TKFC: variants seen among roughly 807,000 people sequenced by gnomAD.
The protein encoded by TKFC is triokinase/FMN cyclase.
Under a neutral mutation model 61.0 loss-of-function variants are expected in TKFC, and 46 were observed. The observed-to-expected ratio is 0.75, with a 90% CI of 0.60 to 0.96. TKFC has a LOEUF of 0.96. Ranked by LOEUF, TKFC falls within the 50% of genes least tolerant of loss-of-function variation. TKFC has a pLI of 0.00. For synonymous variants in TKFC, 314 were observed against 330.1 expected, an observed-to-expected ratio of 0.95 and a Z score of 0.53; for missense variants, 715 against 777.5, an observed-to-expected ratio of 0.92 and a Z score of 0.96.
Position 61,339,910 on chromosome 11 carries a change from A to G in TKFC, c.486+475A>G, listed in dbSNP as rs114088652. On this transcript the variant is annotated intron_variant, in intron 5 of 17. Transcript: ENST00000394900. ...CCACTGAAAGCCTTCTTGGGTGCCT[A>G]CAATCAATACAAGCCCTCACCATAG... Among the ~76,000 whole-genome samples, 1,019 of 152,272 alleles carry G rather than the reference A, an allele frequency of 6.7e-3. 14 individuals are homozygous for G. Among genetic ancestry groups the G allele is most frequent in the African/African-American group, 0.024 (985 of 41,552 alleles).
downstream of TKFC, chr11:61,350,884 GCTGTGCCA>G (rs1183607719): frequency 6.9e-7 from 1 of 1,456,040 alleles, no homozygotes; most frequent in African/African-American, 1.4e-5. Context: ...TTGGTTTCCT[GCTGTGCCA>G]CAGGGTAAGT....
At chr11:61,350,036 G>A, downstream of TKFC, 1 of 496,056 alleles carries the variant, frequency 2.0e-6, no homozygotes, top group Non-Finnish European at 3.7e-6. Flanking sequence ...AGGACCTCGT[G>A]TGAATGGAGG....
At chr11:61,350,532 A>G (rs1857350902), downstream of TKFC, 2 of 1,403,976 alleles carry the variant, frequency 1.4e-6, no homozygotes, top group Non-Finnish European at 2.0e-6. Flanking sequence ...CATCCAAGCC[A>G]CCAAATCCCT....
In TKFC at chr11:61,338,281, CA is replaced by C. The variant is rs919421797; in HGVS notation, c.193+152del. ...CTCTCCCACTCCCTCCGGCTGGGAT[CA>C]GGGGCCCATCACGGCCTCTCTGAAT... On this transcript the variant is annotated intron_variant, in intron 3 of 17. Coordinates refer to ENST00000394900, the MANE Select transcript of TKFC (RefSeq NM_015533.4). 2.3e-5 allele frequency: 17 copies of C among 730,302 alleles called. No individual in the cohort carries two copies. The African/African-American group carries it at 2.9e-4, about 13-fold the overall frequency. The allele number at this position is 730,302 out of a possible 1,614,324, so 45.2% of individuals were successfully genotyped here.
chr11:61,344,201 G>A lies in TKFC; in HGVS notation c.1168G>A (p.Glu390Lys), dbSNP rs764122235. The change falls in exon 13 of 18, where the codon GAA (glutamate) becomes AAA (lysine). Residue 390 changes from glutamate (E) to lysine (K), a missense_variant. Glu to Lys is a moderately conservative substitution (Grantham distance 56). Transcript: ENST00000394900. Reference protein sequence around the residue: ...RVCSTLLGLEEHLNALDRAAG... With the variant: ...RVCSTLLGLEKHLNALDRAAG... ...GTGCAGCACTCTCCTGGGCCTGGAG[G>A]AACACCTGAATGCCCTGGACCGGGC... The A allele has an allele frequency of 3.1e-6, 5 of 1,612,742 alleles. No homozygotes were observed. The South Asian group carries it at 5.5e-5, about 18-fold the overall frequency.
intron 5 of TKFC, among the ~76,000 whole-genome samples, chr11:61,341,027 A>C (rs952374838): frequency 4.6e-5 from 7 of 151,988 alleles, no homozygotes; most frequent in Non-Finnish European, 1.0e-4. Context: ...CCTTTTCAGC[A>C]TATACTAGAT....
intron 10 of TKFC, 86 bp from the exon 11 acceptor site, chr11:61,343,256 C>T: frequency 7.8e-7 from 1 of 1,282,254 alleles, no homozygotes; most frequent in Non-Finnish European, 1.1e-6. Flanking sequence ...CTCAGAGCCC[C>T]AGCTTCCAAG....
At chr11:61,352,766 C>G (rs1199595937), downstream of TKFC, 2 of 1,391,822 alleles carry the variant, frequency 1.4e-6, no homozygotes, top group African/African-American at 2.9e-5. Context: ...CTGTTTCTGA[C>G]ACACAGCAGG....
chr11:61,343,927 G>T lies in TKFC; in HGVS notation c.1054G>T (p.Val352Leu), dbSNP rs763227928. 7.4e-6 allele frequency: 12 copies of T among 1,611,038 alleles called. No individual in the cohort carries two copies. The highest frequency in any genetic ancestry group is 9.3e-6 in the Non-Finnish European group (11 of 1,179,978). ...CATTACTGGGCGGAAGCGGAGCCGG[G>T]TAGCCCCTGCCGAGCCCCAGGAGGC... is the stretch of plus-strand genomic sequence containing the variant. ...VSITGRKRSR[V>L]APAEPQEAPD... The change falls in exon 12 of 18, where the codon GTA becomes TTA. Residue 352 changes from valine (V) to leucine (L), a missense_variant. Physicochemically the swap from Val to Leu is conservative, Grantham distance 32 (BLOSUM62 1). Coordinates refer to ENST00000394900, the MANE Select transcript of TKFC (RefSeq NM_015533.4).
intron 5 of TKFC, 109 bp from the exon 6 acceptor site, chr11:61,341,327 T>C: frequency 1.6e-6 from 2 of 1,249,598 alleles, no homozygotes; most frequent in Non-Finnish European, 2.3e-6. Flanking sequence ...AGTGTGAAAA[T>C]CCTGAGGTTC....
intron 15 of TKFC, 56 bp from the exon 16 acceptor site, chr11:61,345,656 A>G (rs1301148203): frequency 3.7e-6 from 6 of 1,613,074 alleles, no homozygotes; most frequent in Non-Finnish European, 5.1e-6. Context: ...CCCAACCCTC[A>G]GAGTGATTCC....
chr11:61,347,913 A>G lies in TKFC; in HGVS notation c.*1410A>G. The G allele has an allele frequency of 1.0e-6, 1 of 985,380 alleles. No homozygotes were observed. Among genetic ancestry groups the G allele is most frequent in the Non-Finnish European group, 1.2e-6 (1 of 829,884 alleles). The allele number at this position is 985,380 out of a possible 1,614,324, so 61.0% of individuals were successfully genotyped here. On this transcript the variant is annotated 3_prime_UTR_variant, in exon 18 of 18. Transcript: ENST00000394900. ...ACTCACTGAGAGTTACGGTTATCACAGGGGTTGGGCCCCCAGCCCCTCCCA... is the reference window on the plus strand; with the variant it reads ...ACTCACTGAGAGTTACGGTTATCACGGGGGTTGGGCCCCCAGCCCCTCCCA...
At chr11:61,343,621 G>C (rs1314577016) in intron 11 of TKFC, 163 bp downstream of exon 11, 7 of 849,398 alleles carry the variant, frequency 8.2e-6, no homozygotes, top group Non-Finnish European at 1.3e-5. Flanking sequence ...GCTCTCACTG[G>C]ACTAGAAGGA....
chr11:61,337,869 C>T, intron 2 of TKFC, 72 bp from the exon 3 acceptor site: 1 of 1,433,396 alleles, frequency 7.0e-7, no homozygotes, highest in Non-Finnish European at 9.4e-7. Flanking sequence ...TACACCACAG[C>T]AGTGTGGCTG....
rs368929327 is a variant in TKFC at position 61,341,981 on chromosome 11, C to T, written c.655+69C>T. 64 of 1,434,156 alleles carry T rather than the reference C, an allele frequency of 4.5e-5. No individual in the cohort carries two copies. In the South Asian group the frequency reaches 7.0e-4, roughly 16 times the overall value. The allele number at this position is 1,434,156 out of a possible 1,614,324, so 88.8% of individuals were successfully genotyped here. A position where few individuals can be genotyped will look rare whatever the true frequency, so the allele number is the denominator to read the frequency against. On this transcript the variant is annotated intron_variant, in intron 7 of 17. Transcript: ENST00000394900. ...CCTGGACTTTGCCCACCTTGCATAC[C>T]CTTAGAGCCATCAACCTGGTCCTCT...
Position 61,342,588 on chromosome 11 carries a change from T to A in TKFC, c.705T>A (p.Asp235Glu). 3.7e-6 allele frequency: 6 copies of A among 1,611,474 alleles called. No individual in the cohort carries two copies. Among genetic ancestry groups the A allele is most frequent in the East Asian group, 2.2e-5 (1 of 44,758 alleles). The stretch of plus-strand genomic sequence containing the variant: ...CCCTCTGACAGATGGCAACCGCCGA[T>A]GAGATTGTGAAACTCATGCTCGACC... ...GVRRIKMATADEIVKLMLDHM... is the reference protein window; with the variant it reads ...GVRRIKMATAEEIVKLMLDHM... Residue 235 changes from aspartate to glutamate, a missense_variant, in exon 9 of 18, where the codon GAT becomes GAA. Asp to Glu is a conservative substitution (Grantham distance 45). Transcript: ENST00000394900.
rs1410723899 is a variant in TKFC at position 61,346,587 on chromosome 11, C to T, written c.*84C>T. 3.3e-6 allele frequency: 5 copies of T among 1,505,228 alleles called. No homozygotes were observed. The highest frequency in any genetic ancestry group is 2.8e-5 in the African/African-American group (2 of 72,146). The allele number at this position is 1,505,228 out of a possible 1,614,324, so 93.2% of individuals were successfully genotyped here. A position where few individuals can be genotyped will look rare whatever the true frequency, so the allele number is the denominator to read the frequency against. On this transcript the variant is annotated 3_prime_UTR_variant, in exon 18 of 18. Transcript: ENST00000394900. This position sits in a 1 kb window ranked among gnomAD's most constrained non-coding sequence, Gnocchi z 4.1. ...TGTCACTTCCTTCTGCCTTCCAACC[C>T]TCACCTTCCCCCGGCCTGGCCCCAT...
Position 61,342,831 on chromosome 11 carries a change from C to T in TKFC, c.852C>T (p.Thr284=), listed in dbSNP as rs748536630. ...FLELGIIADA[T]VRSLEGRGVK... The stretch of plus-strand genomic sequence containing the variant: ...AACTGGGCATCATAGCCGACGCTAC[C>T]GTCCGCTCCCTGGGTGAGCCATGCA... The change falls in exon 10 of 18, where the codon ACC becomes ACT. Residue 284 remains threonine (T), a synonymous_variant. Coordinates refer to ENST00000394900, the MANE Select transcript of TKFC (RefSeq NM_015533.4). 8 of 1,613,988 alleles carry T rather than the reference C, an allele frequency of 5.0e-6. No individual in the cohort carries two copies. Among genetic ancestry groups the T allele is most frequent in the African/African-American group, 4.0e-5 (3 of 75,016 alleles).
In TKFC at chr11:61,346,042, G is replaced by T; in HGVS notation, c.1575+96G>T. On this transcript the variant is annotated intron_variant, in intron 17 of 17. Coordinates refer to ENST00000394900, the MANE Select transcript of TKFC (RefSeq NM_015533.4). The surrounding 1 kb of genome is among the most constrained non-coding windows in gnomAD (Gnocchi z 4.1). ...CCTGAGCAAGTTAATAACCTTCCTG[G>T]ACCGCAGTTTCCTTCTCTGTACAAT... The T allele has an allele frequency of 7.4e-7, 1 of 1,344,534 alleles. No homozygotes were observed. The highest frequency in any genetic ancestry group is 1.3e-5 in the South Asian group (1 of 78,428). 83.3% of individuals were successfully genotyped at this position (1,344,534 alleles called of 1,614,324 possible).
Sources: gnomAD v4.1 joint callset for allele counts (sites outside exome capture counted in the v4.1 genomes callset) on GRCh38, gnomAD v4.1.1 for gene constraint, Gnocchi (gnomAD v3.1) non-coding constraint, MANE v1.5 for transcripts, NCBI Gene and HGNC (gene_info 2026-07-23, HGNC 2026-07-21) for gene names.